INO80D: variants seen among roughly 807,000 people sequenced by gnomAD.
The protein encoded by INO80D is INO80 complex subunit D.
A neutral mutation model predicts 87.6 loss-of-function variants in INO80D; 21 were observed. The ratio of observed to expected loss-of-function variants is 0.24; its 90% CI spans 0.17 to 0.35. The LOEUF (loss-of-function observed/expected upper bound fraction) is 0.35. Among genes scored for constraint, INO80D ranks in the 10% least tolerant of loss-of-function variants. INO80D has a pLI of 1.00. For missense variants in INO80D, 982 were observed against 1,280.7 expected (o/e 0.77, Z 3.56); for synonymous variants, 440 against 491.0 (o/e 0.90, Z 1.37).
At chr2:206,049,867 C>T (rs818003) in intron 4 of INO80D, among the ~76,000 whole-genome samples, 50,652 of 152,154 alleles carry the variant, frequency 0.33, 9,007 homozygotes, top group South Asian at 0.58. Context: ...CATGGTGGCT[C>T]ACGCCTGTAA....
At chr2:206,025,542 A>AAAATATATATATATATATAT (rs71301548) in intron 6 of INO80D, 10 of 76,930 alleles carry the variant, frequency 1.3e-4, no homozygotes, top group Admixed American at 4.1e-4. Flanking sequence ...AAAAAAAAAA[A>AAAATATATATATATATATAT]ATATATATAT....
At chr2:206,058,660 G>C (rs188418714) in intron 3 of INO80D, among the ~76,000 whole-genome samples, 1 of 151,924 alleles carries the variant, frequency 6.6e-6, no homozygotes, top group Non-Finnish European at 1.5e-5. Context: ...GCTTGAACCC[G>C]GGGGCAGAGG....
chr2:206,035,406 G>A (rs932881474), intron 5 of INO80D, among the ~76,000 whole-genome samples: 4 of 152,016 alleles, frequency 2.6e-5, no homozygotes, highest in Non-Finnish European at 4.4e-5. Context: ...ACAGACCAAC[G>A]GGACAGAATA....
chr2:206,026,594 A>T (rs1688621867), intron 6 of INO80D, among the ~76,000 whole-genome samples: 1 of 150,902 alleles, frequency 6.6e-6, no homozygotes, highest in Admixed American at 6.6e-5. Flanking sequence ...AATATATATA[A>T]AAAACAAAAT....
intron 2 of INO80D, 30 bp downstream of exon 2, chr2:206,063,121 A>C: frequency 1.3e-6 from 1 of 776,064 alleles, no homozygotes; most frequent in Non-Finnish European, 2.1e-6. Flanking sequence ...TGAGAATTTC[A>C]CTGAGGGACT....
At position 205,998,638 on chromosome 2, in the gene INO80D, A is replaced by G. The variant is rs1483794767; in HGVS notation, c.*5730T>C. 3 of 152,252 alleles carry G rather than the reference A, an allele frequency of 2.0e-5. No individual in the cohort carries two copies. Among genetic ancestry groups the G allele is most frequent in the South Asian group, 4.2e-4 (2 of 4,816 alleles). 9.4% of individuals were successfully genotyped at this position (152,252 alleles called of 1,614,324 possible). ...TATTCTGAAAGCTCATTGGGGAAGG[A>G]AATTTTTAAATAAAAGTTTTAAAGC... On this transcript the variant is annotated 3_prime_UTR_variant, in exon 11 of 11. Transcript: ENST00000403263.
chr2:206,000,796 A>G lies in INO80D; in HGVS notation c.*3572T>C, dbSNP rs1052961478. The G allele has an allele frequency of 2.0e-5, 3 of 152,244 alleles. No individual in the cohort carries two copies. The highest frequency in any genetic ancestry group is 1.9e-4 in the East Asian group (1 of 5,204). 9.4% of individuals were successfully genotyped at this position (152,244 alleles called of 1,614,324 possible). On this transcript the variant is annotated 3_prime_UTR_variant, in exon 11 of 11. Transcript: ENST00000403263. ...TCTTTAGCCTCAAGCCACTAAAGAC[A>G]GTAACACCAATTTTAAGGAAAAAAA... is the stretch of plus-strand genomic sequence containing the variant.
chr2:206,030,172 C>T (rs1240606855), intron 5 of INO80D, among the ~76,000 whole-genome samples: 3 of 152,190 alleles, frequency 2.0e-5, no homozygotes, highest in Admixed American at 1.3e-4. Flanking sequence ...CTGAAGTTCA[C>T]TGGAAAGACA....
chr2:206,070,889 A>AT (rs71863031), intron 1 of INO80D, among the ~76,000 whole-genome samples: 33,133 of 128,798 alleles, frequency 0.26, 5,793 homozygotes, highest in African/African-American at 0.5. Flanking sequence ...AGGGGACTTG[A>AT]TTTTTTTTTT....
chr2:206,063,848 G>A (rs1689748350), intron 1 of INO80D, among the ~76,000 whole-genome samples: 1 of 152,118 alleles, frequency 6.6e-6, no homozygotes, highest in Non-Finnish European at 1.5e-5. Context: ...ACTGATGTTT[G>A]CATGCTATAC....
chr2:206,067,256 AAAG>A (rs1447622027), intron 1 of INO80D, among the ~76,000 whole-genome samples: 7 of 152,058 alleles, frequency 4.6e-5, no homozygotes, highest in South Asian at 4.1e-4. Context: ...AAAAAAAAAA[AAAG>A]AAGTAAAAAG....
At chr2:206,026,074 T>C (rs980166063) in intron 6 of INO80D, among the ~76,000 whole-genome samples, 7 of 151,940 alleles carry the variant, frequency 4.6e-5, no homozygotes, top group South Asian at 2.1e-4. Context: ...ATTTTTGTAT[T>C]TTTTAGTAGA....
At chr2:206,008,127 G>A (rs1222587169) in intron 9 of INO80D, among the ~76,000 whole-genome samples, 8 of 151,700 alleles carry the variant, frequency 5.3e-5, no homozygotes, top group South Asian at 2.1e-4. Flanking sequence ...GATTACAAGC[G>A]CCCACCACTA....
At chr2:206,024,969 T>G (rs1036912052) in intron 6 of INO80D, among the ~76,000 whole-genome samples, 3 of 152,044 alleles carry the variant, frequency 2.0e-5, no homozygotes, top group Non-Finnish European at 2.9e-5. Flanking sequence ...TTGGCCAGGC[T>G]GGTCTCGAAC....
intron 5 of INO80D, among the ~76,000 whole-genome samples, chr2:206,028,970 C>T (rs1168591030): frequency 1.3e-5 from 2 of 151,830 alleles, no homozygotes; most frequent in Non-Finnish European, 2.9e-5. Flanking sequence ...TCACTGCAAG[C>T]TCCATCTCCT....
chr2:206,025,706 A>C (rs1688598280), intron 6 of INO80D: 1 of 151,636 alleles, frequency 6.6e-6, no homozygotes, highest in South Asian at 2.1e-4. Context: ...AAAGGAAAAG[A>C]AATTTTTTAA....
chr2:206,021,595 T>C (rs1402325272), intron 6 of INO80D, among the ~76,000 whole-genome samples: 1 of 152,118 alleles, frequency 6.6e-6, no homozygotes, highest in Admixed American at 6.6e-5. Context: ...AATAGAAAGG[T>C]CTCCATATTA....
intron 6 of INO80D, among the ~76,000 whole-genome samples, chr2:206,023,596 T>C (rs915546912): frequency 6.7e-6 from 1 of 150,368 alleles, no homozygotes; most frequent in Non-Finnish European, 1.5e-5. Context: ...GGGAGAAGAA[T>C]TGCTTGAACC....
intron 10 of INO80D, 115 bp downstream of exon 10, chr2:206,007,169 A>C: frequency 1.2e-6 from 1 of 844,860 alleles, no homozygotes; most frequent in Non-Finnish European, 1.9e-6. Context: ...TCCTATCTAC[A>C]GTGAAAGACA....
Sources: allele counts gnomAD v4.1 joint callset (sites outside exome capture counted in the v4.1 genomes callset), GRCh38; gene constraint gnomAD v4.1.1; transcripts MANE v1.5; gene names NCBI Gene and HGNC (gene_info 2026-07-23, HGNC 2026-07-21).